TNS3: variants seen among roughly 807,000 people sequenced by gnomAD.
TNS3 encodes tensin-3.
Under a neutral mutation model 140.9 loss-of-function variants are expected in TNS3, and 45 were observed. The ratio of observed to expected loss-of-function variants is 0.32; its 90% CI spans 0.25 to 0.41. TNS3 has a LOEUF of 0.41. TNS3 is among the 10% of genes least tolerant of loss of function. TNS3 has a pLI of 1.00. For synonymous variants in TNS3, 815 were observed against 788.4 expected (o/e 1.03, Z -0.56); for missense variants, 1,716 against 1,906.7 (o/e 0.90, Z 1.86).
In TNS3 at chr7:47,447,787, G is replaced by A. The variant is rs929492213; in HGVS notation, c.-75-5732C>T. 7.2e-5 allele frequency among the ~76,000 whole-genome samples: 11 copies of A among 152,062 alleles called. No individual in the cohort carries two copies. In the South Asian group the frequency reaches 8.3e-4, roughly 11 times the overall value. On this transcript the variant is annotated intron_variant, in intron 4 of 30. Coordinates refer to ENST00000311160, the MANE Select transcript of TNS3 (RefSeq NM_022748.12). Reference sequence around the variant, plus strand: ...CCCACAGCGCCCCACCCCACCACGCGCCATTTGCCAAGACCAGCGGACAAC... The same window carrying A: ...CCCACAGCGCCCCACCCCACCACGCACCATTTGCCAAGACCAGCGGACAAC...
chr7:47,578,460 T>C (rs891359565), intron 1 of TNS3, among the ~76,000 whole-genome samples: 6 of 150,800 alleles, frequency 4.0e-5, no homozygotes, highest in African/African-American at 1.5e-4. Flanking sequence ...TTCACTGGCC[T>C]CCTCCCTCCT....
intron 2 of TNS3, among the ~76,000 whole-genome samples, chr7:47,522,702 G>A (rs1273484348): frequency 6.6e-6 from 1 of 152,176 alleles, no homozygotes; most frequent in Non-Finnish European, 1.5e-5. Context: ...GCCAAAGCAG[G>A]CGGATCATGA....
At chr7:47,399,966 C>T (rs1189551215) in intron 15 of TNS3, among the ~76,000 whole-genome samples, 1 of 147,294 alleles carries the variant, frequency 6.8e-6, no homozygotes, top group African/African-American at 2.5e-5. Flanking sequence ...GGAACTCGAA[C>T]AAATCCTCAA....
intron 3 of TNS3, among the ~76,000 whole-genome samples, chr7:47,485,810 C>G (rs1043566378): frequency 3.3e-5 from 5 of 152,230 alleles, no homozygotes; most frequent in African/African-American, 1.2e-4. Flanking sequence ...ACGTGGGTGC[C>G]TGGGTACACT....
chr7:47,322,213 CAAAAA>C (rs759875153), intron 20 of TNS3, among the ~76,000 whole-genome samples: 3 of 49,936 alleles, frequency 6.0e-5, no homozygotes, highest in African/African-American at 7.8e-5. Context: ...GTAGAACGGG[CAAAAA>C]AAAAAAAAAA....
intron 13 of TNS3, among the ~76,000 whole-genome samples, chr7:47,405,876 C>T (rs1208178059): frequency 1.3e-5 from 2 of 152,056 alleles, no homozygotes; most frequent in African/African-American, 4.8e-5. Flanking sequence ...GTCACTGGAG[C>T]GAGGTTCTAG....
intron 2 of TNS3, among the ~76,000 whole-genome samples, chr7:47,525,343 C>T (rs980850923): frequency 2.0e-5 from 3 of 152,234 alleles, no homozygotes; most frequent in Admixed American, 6.5e-5. Context: ...GCTTTGTTCT[C>T]GTGAGTGCCT....
intron 13 of TNS3, chr7:47,405,708 A>G: frequency 3.1e-6 from 2 of 637,192 alleles, no homozygotes; most frequent in Admixed American, 2.3e-5. Context: ...GATGCGTCCA[A>G]CAGAGATCTG....
In TNS3 at chr7:47,277,653, G is replaced by A. The variant is rs906498996; in HGVS notation, c.*423C>T. 16 of 273,984 alleles carry A rather than the reference G, an allele frequency of 5.8e-5. No homozygotes were observed. The highest frequency in any genetic ancestry group is 2.5e-4 in the African/African-American group (11 of 44,632). 17.0% of individuals were successfully genotyped at this position (273,984 alleles called of 1,614,324 possible). A position where few individuals can be genotyped will look rare whatever the true frequency, so the allele number is the denominator to read the frequency against. On this transcript the variant is annotated 3_prime_UTR_variant, in exon 31 of 31. Transcript: ENST00000311160. ...GCCTCGGGTGCAGCTGGACAGAAGC[G>A]CCCATGCGGACGGGCGAAGCATGGC...
At chr7:47,503,080 G>A (rs756153989) in intron 3 of TNS3, among the ~76,000 whole-genome samples, 8 of 152,080 alleles carry the variant, frequency 5.3e-5, no homozygotes, top group South Asian at 2.1e-4. Flanking sequence ...TTACTCCTGC[G>A]CATGTTCCCC....
Position 47,291,978 on chromosome 7 carries a change from G to C in TNS3, c.3905C>G (p.Ala1302Gly). The change falls in exon 27 of 31, where the codon GCT (alanine) becomes GGT (glycine). Residue 1302 changes from alanine (A) to glycine (G), a missense_variant. This residue lies in a region of TNS3 where 216 missense variants were observed against 295.7 expected (regional missense o/e 0.73). Transcript: ENST00000311160. ...SSPQTAANSAAELLKQGAACN... is the reference protein window; with the variant it reads ...SSPQTAANSAGELLKQGAACN... ...ACCTGCCCCCTGCTTCAACAGCTCA[G>C]CTGCTGAATTGGCTGCCGTCTGGGG... 3 of 1,614,174 alleles carry C rather than the reference G, an allele frequency of 1.9e-6. No individual in the cohort carries two copies. Among genetic ancestry groups the C allele is most frequent in the Non-Finnish European group, 2.5e-6 (3 of 1,180,018 alleles).
chr7:47,521,181 C>A (rs1171405038), intron 2 of TNS3, among the ~76,000 whole-genome samples: 1 of 152,128 alleles, frequency 6.6e-6, no homozygotes, highest in Non-Finnish European at 1.5e-5. Context: ...CCTGACAATG[C>A]CCACACTCCC....
intron 22 of TNS3, 48 bp downstream of exon 22, chr7:47,302,902 C>G (rs3750167): frequency 0.086 from 132,653 of 1,545,176 alleles, 6,708 homozygotes; most frequent in African/African-American, 0.21. Context: ...TTCCCTTCCC[C>G]AGTGAATGGA....
intron 3 of TNS3, among the ~76,000 whole-genome samples, chr7:47,485,163 T>C (rs1486497063): frequency 6.6e-6 from 1 of 152,156 alleles, no homozygotes; most frequent in Non-Finnish European, 1.5e-5. Flanking sequence ...CTTTGCCTGC[T>C]CTGTAACATG....
intron 20 of TNS3, among the ~76,000 whole-genome samples, chr7:47,321,234 A>G (rs1787718828): frequency 6.6e-6 from 1 of 152,098 alleles, no homozygotes; most frequent in African/African-American, 2.4e-5. Flanking sequence ...TCCGATTCAT[A>G]CCATGCCTAA....
chr7:47,359,932 G>C (rs2151084075), intron 17 of TNS3, among the ~76,000 whole-genome samples: 1 of 152,318 alleles, frequency 6.6e-6, no homozygotes, highest in African/African-American at 2.4e-5. Flanking sequence ...AGAAGGCCCA[G>C]ATAGCACCTT....
intron 11 of TNS3, 89 bp downstream of exon 11, chr7:47,415,005 A>T: frequency 1.0e-6 from 1 of 961,702 alleles, no homozygotes; most frequent in South Asian, 1.6e-5. Flanking sequence ...TCGGAAGGAA[A>T]GCCGAGGCTT....
intron 4 of TNS3, among the ~76,000 whole-genome samples, chr7:47,477,896 G>T (rs534510100): frequency 7.2e-5 from 11 of 152,320 alleles, no homozygotes; most frequent in African/African-American, 2.6e-4. Flanking sequence ...ACCCAGCAGG[G>T]AGGCAGAAGA....
At chr7:47,410,719 GA>G (rs1291059584) in intron 13 of TNS3, among the ~76,000 whole-genome samples, 2 of 152,200 alleles carry the variant, frequency 1.3e-5, no homozygotes, top group African/African-American at 4.8e-5. Flanking sequence ...ATAATACAAT[GA>G]AAAGCTATTT....
Sources: gnomAD v4.1 joint callset for allele counts (sites outside exome capture counted in the v4.1 genomes callset) on GRCh38, gnomAD v4.1.1 for gene constraint, gnomAD v4.1.1 regional missense constraint, MANE v1.5 for transcripts, NCBI Gene and HGNC (gene_info 2026-07-23, HGNC 2026-07-21) for gene names.